Variants in FAM3B observed in about 807,000 individuals in gnomAD.
FAM3B encodes protein FAM3B.
In FAM3B, 29 loss-of-function variants were observed where a neutral mutation model predicts 28.4. The ratio of observed to expected loss-of-function variants is 1.02; its 90% CI spans 0.76 to 1.39. The LOEUF (loss-of-function observed/expected upper bound fraction) is 1.39. FAM3B is among the 40% of genes most tolerant of loss of function. The probability of loss-of-function intolerance (pLI) is 0.00; values close to 1 mark genes in which losing one functional copy is unlikely to be tolerated. For synonymous variants in FAM3B, 91 were observed against 103.0 expected, an observed-to-expected ratio of 0.88 and a Z score of 0.71; for missense variants, 266 against 293.9, an observed-to-expected ratio of 0.91 and a Z score of 0.69.
chr21:41,336,204 C>G (rs1185016427), intron 2 of FAM3B, among the ~76,000 whole-genome samples: 1 of 152,176 alleles, frequency 6.6e-6, no homozygotes, highest in Non-Finnish European at 1.5e-5. Flanking sequence ...AGCACCCTGA[C>G]CTTGGATTTC....
At chr21:41,330,688 GGTA>G (rs1455391586) in intron 2 of FAM3B, among the ~76,000 whole-genome samples, 1 of 152,158 alleles carries the variant, frequency 6.6e-6, no homozygotes, top group Non-Finnish European at 1.5e-5. Context: ...GAGAACACGT[GGTA>G]GTTGTCTTTC....
chr21:41,342,869 C>T (rs983181629), intron 3 of FAM3B, among the ~76,000 whole-genome samples: 3 of 152,152 alleles, frequency 2.0e-5, no homozygotes, highest in Non-Finnish European at 4.4e-5. Flanking sequence ...CCTTTTTCCT[C>T]ACGTGTCAGG....
intron 5 of FAM3B, chr21:41,346,243 A>G (rs2089058614): frequency 6.5e-6 from 1 of 154,262 alleles, no homozygotes; most frequent in Non-Finnish European, 1.4e-5. Context: ...TGGCCAGGAT[A>G]TACTATCCCC....
chr21:41,338,694 A>G (rs888208896), intron 3 of FAM3B, among the ~76,000 whole-genome samples, 193 bp downstream of exon 3: 1 of 151,792 alleles, frequency 6.6e-6, no homozygotes, highest in African/African-American at 2.4e-5. Flanking sequence ...GATTGTCTCT[A>G]ATGGCTGTAT....
intron 2 of FAM3B, among the ~76,000 whole-genome samples, chr21:41,336,090 A>G (rs1341243486): frequency 6.6e-6 from 1 of 152,194 alleles, no homozygotes; most frequent in African/African-American, 2.4e-5. Context: ...GCACCCGTAT[A>G]AAAGAGATTG....
chr21:41,324,829 C>G (rs548947167), intron 2 of FAM3B, among the ~76,000 whole-genome samples: 8 of 152,322 alleles, frequency 5.3e-5, no homozygotes, highest in Admixed American at 5.2e-4. Flanking sequence ...GGGCCTGGCG[C>G]AGTGGCTCAC....
At position 41,357,291 on chromosome 21, in the gene FAM3B, T is replaced by G; in HGVS notation, c.*94T>G. The G allele has an allele frequency of 1.3e-6, 1 of 780,884 alleles. No individual in the cohort carries two copies. The highest frequency in any genetic ancestry group is 2.0e-6 in the Non-Finnish European group (1 of 495,352). The allele number at this position is 780,884 out of a possible 1,614,324, so 48.4% of individuals were successfully genotyped here. The stretch of plus-strand genomic sequence containing the variant: ...TTTTCTAAATCCAACAGCCCATATT[T>G]GATGAGTATTTTGGGTTTGTTGTAA... On this transcript the variant is annotated 3_prime_UTR_variant, in exon 8 of 8. Coordinates refer to ENST00000357985, the MANE Select transcript of FAM3B (RefSeq NM_058186.4).
At chr21:41,322,801 T>G (rs890020933) in intron 1 of FAM3B, 122 bp from the exon 2 acceptor site, 2 of 1,467,620 alleles carry the variant, frequency 1.4e-6, no homozygotes, top group African/African-American at 2.8e-5. Context: ...AGGAGCACAG[T>G]GCCTATAGCG....
At chr21:41,314,123 G>A (rs1418740844), upstream of FAM3B, among the ~76,000 whole-genome samples, 1 of 152,184 alleles carries the variant, frequency 6.6e-6, no homozygotes, top group Non-Finnish European at 1.5e-5. Context: ...ATGAAGGTGG[G>A]CCCTCATAAT....
intron 1 of FAM3B, among the ~76,000 whole-genome samples, chr21:41,321,416 G>T (rs567720594): frequency 1.3e-5 from 2 of 152,330 alleles, no homozygotes; most frequent in East Asian, 1.9e-4. Context: ...GAGCACAACC[G>T]TTGGCGCAGC....
chr21:41,344,949 C>A (rs2089042771), intron 4 of FAM3B, among the ~76,000 whole-genome samples: 1 of 152,166 alleles, frequency 6.6e-6, no homozygotes, highest in African/African-American at 2.4e-5. Context: ...TCGTGGGAAA[C>A]AAAACTTGGC....
intron 2 of FAM3B, among the ~76,000 whole-genome samples, chr21:41,335,245 A>G (rs917634393): frequency 2.6e-5 from 4 of 152,140 alleles, no homozygotes; most frequent in Admixed American, 6.5e-5. Context: ...GGAAAGCATC[A>G]TTGTATTTTG....
upstream of FAM3B, among the ~76,000 whole-genome samples, chr21:41,315,444 T>A (rs1240613891): frequency 6.6e-6 from 1 of 151,414 alleles, no homozygotes; most frequent in Non-Finnish European, 1.5e-5. Context: ...CCACATTTTT[T>A]AAAAATTGAA....
chr21:41,335,592 A>G (rs1316666647), intron 2 of FAM3B, among the ~76,000 whole-genome samples: 1 of 152,214 alleles, frequency 6.6e-6, no homozygotes, highest in Non-Finnish European at 1.5e-5. Context: ...CCAGAAGCTC[A>G]GCAGATGCTA....
At chr21:41,340,299 G>A (rs542750882) in intron 3 of FAM3B, among the ~76,000 whole-genome samples, 9 of 152,018 alleles carry the variant, frequency 5.9e-5, no homozygotes, top group Middle Eastern at 3.4e-3. Context: ...GGCTACAGGC[G>A]CACACCACCA....
chr21:41,322,740 T>C (rs2838011), intron 1 of FAM3B, 183 bp from the exon 2 acceptor site: 64,463 of 769,894 alleles, frequency 0.084, 5,272 homozygotes, highest in African/African-American at 0.35. Context: ...TCTCTGATAC[T>C]GTCTACTTCA....
intron 2 of FAM3B, among the ~76,000 whole-genome samples, chr21:41,329,381 G>C (rs575826079): frequency 7.9e-5 from 12 of 152,250 alleles, no homozygotes; most frequent in African/African-American, 2.9e-4. Flanking sequence ...CCTTTGTCCA[G>C]CATCTCTGTG....
chr21:41,323,167 C>T (rs1055556373), intron 2 of FAM3B, 101 bp downstream of exon 2: 3 of 1,488,726 alleles, frequency 2.0e-6, no homozygotes, highest in Non-Finnish European at 2.7e-6. Flanking sequence ...GCCCTGACGG[C>T]TTTATATCAG....
At chr21:41,318,553 A>C (rs758725991) in intron 1 of FAM3B, among the ~76,000 whole-genome samples, 1 of 152,330 alleles carries the variant, frequency 6.6e-6, no homozygotes, top group Non-Finnish European at 1.5e-5. Context: ...ATGACAGTGG[A>C]CACTGAGGCC....
Sources: allele counts gnomAD v4.1 joint callset (sites outside exome capture counted in the v4.1 genomes callset), GRCh38; gene constraint gnomAD v4.1.1; transcripts MANE v1.5; gene names NCBI Gene and HGNC (gene_info 2026-07-23, HGNC 2026-07-21).